The following GRAMD2B variants were observed in gnomAD, a reference collection of about 807,000 sequenced individuals.
The protein encoded by GRAMD2B is GRAM domain containing 2B, also known as GRAM domain-containing protein 2B.
In GRAMD2B, 41 loss-of-function variants were observed where a neutral mutation model predicts 59.2. The ratio of observed to expected loss-of-function variants is 0.69; its 90% confidence interval spans 0.54 to 0.90. The LOEUF (loss-of-function observed/expected upper bound fraction) is 0.90. GRAMD2B is among the 40% of genes least tolerant of loss of function. The pLI, the probability that GRAMD2B is intolerant of heterozygous loss-of-function variation, is 0.00. For synonymous variants in GRAMD2B, 161 were observed against 182.7 expected, an observed-to-expected ratio of 0.88 and a Z score of 0.96; for missense variants, 424 against 500.5, an observed-to-expected ratio of 0.85 and a Z score of 1.46.
At chr5:126,371,444 T>C (rs1754746055) in exon 1 of GRAMD2B, 2 of 1,287,822 alleles carry the variant, frequency 1.6e-6, no homozygotes, top group Non-Finnish European at 2.0e-6. Flanking sequence ...AAGCGCACAA[T>C]GGTGAAGAAA....
At chr5:126,407,988 G>A (rs1758406408) in intron 1 of GRAMD2B, among the ~76,000 whole-genome samples, 1 of 151,494 alleles carries the variant, frequency 6.6e-6, no homozygotes, top group African/African-American at 2.4e-5. Context: ...TGGGGTTCAT[G>A]TGCAGGCTTG....
chr5:126,404,346 G>T (rs1758086874), intron 1 of GRAMD2B, among the ~76,000 whole-genome samples: 1 of 151,886 alleles, frequency 6.6e-6, no homozygotes, highest in Non-Finnish European at 1.5e-5. Flanking sequence ...GAAGCTGTGT[G>T]TAAAAAGCAC....
chr5:126,440,867 A>C (rs1238530662), intron 1 of GRAMD2B, among the ~76,000 whole-genome samples: 1 of 152,178 alleles, frequency 6.6e-6, no homozygotes, highest in East Asian at 1.9e-4. Flanking sequence ...GGTGGCATTT[A>C]TCTCTAATCA....
chr5:126,377,790 G>T, intron 1 of GRAMD2B, among the ~76,000 whole-genome samples: 1 of 152,108 alleles, frequency 6.6e-6, no homozygotes, highest in Non-Finnish European at 1.5e-5. Flanking sequence ...ATATGAACAT[G>T]GTGTCATGCA....
intron 1 of GRAMD2B, among the ~76,000 whole-genome samples, chr5:126,444,844 C>T (rs1412059771): frequency 1.3e-5 from 2 of 152,190 alleles, no homozygotes; most frequent in Non-Finnish European, 2.9e-5. Flanking sequence ...TCCTGGTGCT[C>T]TCCCTCCCAC....
chr5:126,453,531 C>T (rs1281676652), intron 1 of GRAMD2B, among the ~76,000 whole-genome samples: 3 of 152,188 alleles, frequency 2.0e-5, no homozygotes, highest in African/African-American at 7.2e-5. Flanking sequence ...GGAGAATTCA[C>T]TATCAGCAGC....
intron 1 of GRAMD2B, among the ~76,000 whole-genome samples, chr5:126,463,847 C>T (rs1284566060): frequency 1.3e-5 from 2 of 152,042 alleles, no homozygotes; most frequent in Non-Finnish European, 2.9e-5. Flanking sequence ...GGCAAAACCC[C>T]GTCTCTACTA....
At chr5:126,418,685 A>G (rs1759462579), upstream of GRAMD2B, among the ~76,000 whole-genome samples, 1 of 152,214 alleles carries the variant, frequency 6.6e-6, no homozygotes, top group African/African-American at 2.4e-5. Flanking sequence ...GGTTATATTC[A>G]TTGGGAACCT....
rs557217105 is a variant in GRAMD2B, at chr5:126,410,487, G to T, written c.125+38920G>T. Among the ~76,000 whole-genome samples the T allele has an allele frequency of 1.5e-3, 235 of 151,876 alleles. 1 individual carries two copies. Among genetic ancestry groups the T allele is most frequent in the African/African-American group, 5.5e-3 (228 of 41,424 alleles). On this transcript the variant is annotated intron_variant, in intron 1 of 8. Transcript: ENST00000506445. ...GAGTTCACTCATGATTTGGCTCTCTGTTTGTCTGTTATTGGTGTATAAGAA... is the reference window on the plus strand; with the variant it reads ...GAGTTCACTCATGATTTGGCTCTCTTTTTGTCTGTTATTGGTGTATAAGAA...
At position 126,484,543 on chromosome 5, in the gene GRAMD2B, A is replaced by T; in HGVS notation, c.970+19A>T. On this transcript the variant is annotated intron_variant, in intron 10 of 13. Transcript: ENST00000285689. ...GTACAGGGTAAGGAATGGATGTCTC[A>T]GGGGGGTGGGTTTAGAAGGATTGGA... The T allele has an allele frequency of 6.3e-7, 1 of 1,596,424 alleles. No homozygotes were observed. The highest frequency in any genetic ancestry group is 8.5e-7 in the Non-Finnish European group (1 of 1,173,898).
At chr5:126,406,840 A>G (rs1244443820) in intron 1 of GRAMD2B, among the ~76,000 whole-genome samples, 1 of 152,016 alleles carries the variant, frequency 6.6e-6, no homozygotes, top group Non-Finnish European at 1.5e-5. Context: ...CATCTGGAGA[A>G]GTAAGCCAGA....
At chr5:126,360,592 G>A in intron 1 of GRAMD2B, 1 of 865,508 alleles carries the variant, frequency 1.2e-6, no homozygotes, top group Non-Finnish European at 1.7e-6. Flanking sequence ...CCCACTGGGG[G>A]AGTTTTCCTT....
At chr5:126,360,912 C>G (rs1754190172) in intron 1 of GRAMD2B, among the ~76,000 whole-genome samples, 1 of 152,174 alleles carries the variant, frequency 6.6e-6, no homozygotes, top group Non-Finnish European at 1.5e-5. Flanking sequence ...GCCATGTCAA[C>G]TCTCTACATT....
chr5:126,398,403 T>C lies in GRAMD2B; in HGVS notation c.125+26836T>C, dbSNP rs560091944. On this transcript the variant is annotated intron_variant, in intron 1 of 8. Coordinates refer to the GRAMD2B transcript ENST00000506445. ...AATTTCTTCTAATTTACCCAGTTTT[T>C]TGGCATATGATCATTCATAATAATC... is the stretch of plus-strand genomic sequence containing the variant. Among the ~76,000 whole-genome samples, 15 of 152,270 alleles carry C rather than the reference T, an allele frequency of 9.9e-5. No homozygotes were observed. In the South Asian group the frequency reaches 3.1e-3, roughly 32 times the overall value.
At chr5:126,390,125 G>A (rs1162725254) in intron 1 of GRAMD2B, among the ~76,000 whole-genome samples, 1 of 152,076 alleles carries the variant, frequency 6.6e-6, no homozygotes, top group Non-Finnish European at 1.5e-5. Flanking sequence ...CTACTGGAAG[G>A]TGCCTCCTCA....
At chr5:126,414,749 A>T (rs1175816746) in intron 1 of GRAMD2B, among the ~76,000 whole-genome samples, 1 of 152,160 alleles carries the variant, frequency 6.6e-6, no homozygotes. Context: ...GATTACAGGC[A>T]TGAGCCACCA....
chr5:126,453,212 G>A (rs1765682660), intron 1 of GRAMD2B, among the ~76,000 whole-genome samples: 1 of 152,162 alleles, frequency 6.6e-6, no homozygotes, highest in Non-Finnish European at 1.5e-5. Context: ...GCACATGCCT[G>A]TAATCCCAGC....
intron 1 of GRAMD2B, among the ~76,000 whole-genome samples, chr5:126,405,860 C>A (rs1381195786): frequency 6.6e-6 from 1 of 151,888 alleles, no homozygotes; most frequent in Non-Finnish European, 1.5e-5. Context: ...TAAACCATGA[C>A]TGATATGGCC....
chr5:126,433,461 C>T (rs1320560318), intron 1 of GRAMD2B: 2 of 152,170 alleles, frequency 1.3e-5, no homozygotes, highest in East Asian at 3.8e-4. Flanking sequence ...GCTCTCTTAA[C>T]TTTTGTGTGT....
Sources: gnomAD v4.1 joint callset for allele counts (sites outside exome capture counted in the v4.1 genomes callset) on GRCh38, gnomAD v4.1.1 for gene constraint, MANE v1.5 for transcripts, NCBI Gene and HGNC (gene_info 2026-07-23, HGNC 2026-07-21) for gene names.